Variants in ASB1 observed in about 807,000 individuals in gnomAD.
The protein encoded by ASB1 is ankyrin repeat and SOCS box protein 1.
In ASB1, 18 loss-of-function variants were observed where a neutral mutation model predicts 27.7. The ratio of observed to expected loss-of-function variants is 0.65; its 90% CI spans 0.45 to 0.96. ASB1 has a LOEUF of 0.96. Among genes scored for constraint, ASB1 ranks in the 50% least tolerant of loss-of-function variants. ASB1 has a pLI of 0.00. For missense variants in ASB1, 397 were observed against 451.7 expected, an observed-to-expected ratio of 0.88 and a Z score of 1.10; for synonymous variants, 189 against 187.6, an observed-to-expected ratio of 1.01 and a Z score of -0.06.
At chr2:238,428,314 G>A (rs2106400650) in intron 1 of ASB1, among the ~76,000 whole-genome samples, 1 of 152,288 alleles carries the variant, frequency 6.6e-6, no homozygotes, top group Admixed American at 6.5e-5. Context: ...TTTTGAGACG[G>A]AGTTTCGCTC....
intron 2 of ASB1, among the ~76,000 whole-genome samples, chr2:238,434,839 T>C (rs1701936380): frequency 1.3e-5 from 2 of 152,240 alleles, no homozygotes; most frequent in Admixed American, 1.3e-4. Flanking sequence ...GCTCAGGGCA[T>C]CTCTGGTTCT....
chr2:238,445,785 C>T (rs1702168419), intron 4 of ASB1, among the ~76,000 whole-genome samples: 1 of 152,234 alleles, frequency 6.6e-6, no homozygotes, highest in African/African-American at 2.4e-5. Flanking sequence ...AAAGCATGCT[C>T]CTGTGTAGCC....
intron 3 of ASB1, among the ~76,000 whole-genome samples, chr2:238,440,941 G>A (rs1273493729): frequency 6.6e-6 from 1 of 152,184 alleles, no homozygotes; most frequent in African/African-American, 2.4e-5. Flanking sequence ...GTGGAGAGCT[G>A]TGTGACGCTG....
intron 3 of ASB1, among the ~76,000 whole-genome samples, chr2:238,439,902 A>G (rs540494007): frequency 1.3e-5 from 2 of 152,294 alleles, no homozygotes; most frequent in South Asian, 2.1e-4. Context: ...ACAACCATGT[A>G]TATGTCCTGT....
intron 4 of ASB1, among the ~76,000 whole-genome samples, chr2:238,445,721 A>G (rs982146944): frequency 1.3e-5 from 2 of 152,194 alleles, no homozygotes; most frequent in East Asian, 3.9e-4. Flanking sequence ...TGCCTCTCAA[A>G]GGACTTTAAA....
At position 238,444,336 on chromosome 2, in the gene ASB1, C is replaced by T. The variant is rs1442082325; in HGVS notation, c.495-6C>T. ...CACAGTCTGACTTTCCCTTTCTTCC[C>T]TGCAGGTACGGGGCTGATGTTGACG... On this transcript the variant is annotated splice_polypyrimidine_tract_variant and splice_region_variant and intron_variant, in intron 3 of 4. Transcript: ENST00000264607. 2 of 1,596,842 alleles carry T rather than the reference C, an allele frequency of 1.3e-6. No individual in the cohort carries two copies. Among genetic ancestry groups the T allele is most frequent in the Middle Eastern group, 3.3e-4 (2 of 5,998 alleles).
chr2:238,432,786 G>A (rs1701895688), intron 1 of ASB1, among the ~76,000 whole-genome samples: 1 of 150,040 alleles, frequency 6.7e-6, no homozygotes. Context: ...TCACTCAGTC[G>A]CCAGGCTCTG....
rs1701771974 is a variant in ASB1 at position 238,427,129 on chromosome 2, G to A, written c.49+10G>A. On this transcript the variant is annotated intron_variant, in intron 1 of 4. Coordinates refer to ENST00000264607, the MANE Select transcript of ASB1 (RefSeq NM_001040445.3). ...GGGCCGGGCTCCGCAGGTAACGTGC[G>A]CGCGGCCACTGGGCCGCGGGGCGTG... 3 of 1,246,612 alleles carry A rather than the reference G, an allele frequency of 2.4e-6. No homozygotes were observed. Among genetic ancestry groups the A allele is most frequent in the Non-Finnish European group, 3.0e-6 (3 of 995,630 alleles). The allele number at this position is 1,246,612 out of a possible 1,614,324, so 77.2% of individuals were successfully genotyped here.
chr2:238,428,934 T>G (rs1701814062), intron 1 of ASB1, among the ~76,000 whole-genome samples: 1 of 152,256 alleles, frequency 6.6e-6, no homozygotes, highest in Non-Finnish European at 1.5e-5. Flanking sequence ...GACTTTGAAC[T>G]TTTTCACTCT....
chr2:238,442,412 C>A (rs1436830388), intron 3 of ASB1, among the ~76,000 whole-genome samples: 1 of 152,126 alleles, frequency 6.6e-6, no homozygotes, highest in African/African-American at 2.4e-5. Context: ...ACGCCCCGCC[C>A]CATCTCTCTA....
intron 3 of ASB1, among the ~76,000 whole-genome samples, chr2:238,443,698 A>G (rs1702121663): frequency 6.6e-6 from 1 of 150,538 alleles, no homozygotes; most frequent in Non-Finnish European, 1.5e-5. Context: ...TTTCTTGAGC[A>G]TTTTTAAACA....
At position 238,447,653 on chromosome 2, in the gene ASB1, G is replaced by T. The variant is rs1172090332; in HGVS notation, c.*1142G>T. The T allele has an allele frequency of 1.3e-5, 2 of 152,272 alleles. No homozygotes were observed. The allele number at this position is 152,272 out of a possible 1,614,324, so 9.4% of individuals were successfully genotyped here. On this transcript the variant is annotated 3_prime_UTR_variant, in exon 5 of 5. Transcript: ENST00000264607. The stretch of plus-strand genomic sequence containing the variant: ...CCCTCCCAGGTTGCTGCTGTTTCCA[G>T]TGAATCACATTTCGTCATTTGAAGC...
Position 238,444,674 on chromosome 2 carries a change from G to C in ASB1, c.827G>C (p.Arg276Thr). Residue 276 changes from arginine to threonine, a missense_variant, in exon 4 of 5, where the codon AGA becomes ACA. By Grantham distance (71) the Arg-to-Thr change is moderately conservative. Coordinates refer to ENST00000264607, the MANE Select transcript of ASB1 (RefSeq NM_001040445.3). ...VKWESLGPES[R>T]GRRKVDPEAL... is the part of the protein sequence containing the mutation. ...TGGGAATCGCTGGGCCCAGAGTCGA[G>C]AGGAAGAAGAAAAGTGGACCCTGAG... The C allele has an allele frequency of 6.2e-7, 1 of 1,614,144 alleles. No homozygotes were observed. Among genetic ancestry groups the C allele is most frequent in the Non-Finnish European group, 8.5e-7 (1 of 1,180,014 alleles).
Position 238,433,591 on chromosome 2 carries a change from T to G in ASB1, c.87T>G (p.Cys29Trp). ...AGGAGTGGCTGAGGGAGCAATTTTG[T>G]GATCATCCGCTGGAGCACTGTGAGG... ...NLKEWLREQF[C>W]DHPLEHCEDT... Residue 29 changes from cysteine to tryptophan, a missense_variant, in exon 2 of 5, where the codon TGT (cysteine) becomes TGG (tryptophan). Coordinates refer to ENST00000264607, the MANE Select transcript of ASB1 (RefSeq NM_001040445.3). 6.2e-7 allele frequency: 1 copy of G among 1,614,142 alleles called. No homozygotes were observed. Among genetic ancestry groups the G allele is most frequent in the South Asian group, 1.1e-5 (1 of 91,074 alleles).
intron 3 of ASB1, among the ~76,000 whole-genome samples, chr2:238,444,113 A>G (rs941865406): frequency 6.6e-6 from 1 of 152,202 alleles, no homozygotes; most frequent in Admixed American, 6.5e-5. Context: ...AATGGTTTGA[A>G]GGACTTCCCT....
chr2:238,439,140 G>T (rs921218162), intron 3 of ASB1, among the ~76,000 whole-genome samples: 29 of 152,302 alleles, frequency 1.9e-4, no homozygotes, highest in African/African-American at 6.3e-4. Context: ...TGCTTAATTG[G>T]TTGGGTGTAT....
At position 238,429,773 on chromosome 2, in the gene ASB1, A is replaced by G. The variant is rs11901059; in HGVS notation, c.49+2654A>G. 2.4e-3 allele frequency among the ~76,000 whole-genome samples: 366 copies of G among 152,260 alleles called. 2 individuals are homozygous for G. Among genetic ancestry groups the G allele is most frequent in the African/African-American group, 8.5e-3 (355 of 41,544 alleles). On this transcript the variant is annotated intron_variant, in intron 1 of 4. Coordinates refer to ENST00000264607, the MANE Select transcript of ASB1 (RefSeq NM_001040445.3). ...TGGTGAAACCCCTTCTCTACTAAAA[A>G]TACACACACAAAAAATTAGCCAGGT...
At chr2:238,438,000 A>G (rs483166) in intron 3 of ASB1, among the ~76,000 whole-genome samples, 67,439 of 151,986 alleles carry the variant, frequency 0.44, 17,730 homozygotes, top group Middle Eastern at 0.63. Flanking sequence ...TAACCTGATT[A>G]TCTAAGCTAC....
chr2:238,430,650 G>C (rs10170056), intron 1 of ASB1, among the ~76,000 whole-genome samples: 106,374 of 151,750 alleles, frequency 0.7, 37,751 homozygotes, highest in African/African-American at 0.8. Context: ...GCAGATCCAT[G>C]AGAGGAACCA....
Sources: allele counts gnomAD v4.1 joint callset (sites outside exome capture counted in the v4.1 genomes callset), GRCh38; gene constraint gnomAD v4.1.1; transcripts MANE v1.5; gene names NCBI Gene and HGNC (gene_info 2026-07-23, HGNC 2026-07-21).